The following CIMIP3 variants were observed in gnomAD, a reference collection of about 807,000 sequenced individuals.
CIMIP3 encodes GUCA1A neighbor.
At chr6:42,163,182 G>A in the CIMIP3 span, 129 of 616,320 alleles carry the variant, frequency 2.1e-4, no homozygotes, top group East Asian at 3.0e-3. Context: ...CTGTACCGCC[G>A]GGACACTGAC....
chr6:42,159,469 G>A, the CIMIP3 span, among the ~76,000 whole-genome samples: 20 of 152,352 alleles, frequency 1.3e-4, no homozygotes, highest in African/African-American at 4.8e-4. Context: ...TCTGCTAAGA[G>A]ATGGTGATTC....
chr6:42,162,751 C>T, the CIMIP3 span, among the ~76,000 whole-genome samples: 1 of 152,144 alleles, frequency 6.6e-6, no homozygotes, highest in Non-Finnish European at 1.5e-5. Flanking sequence ...ACCCTGATGG[C>T]TCTCCCCTGC....
the CIMIP3 span, among the ~76,000 whole-genome samples, chr6:42,160,561 C>T: frequency 0.18 from 27,886 of 152,154 alleles, 2,736 homozygotes; most frequent in African/African-American, 0.25. Flanking sequence ...CTGCAGCAAG[C>T]GGTCCCAGTG....
chr6:42,157,848 A>AT, the CIMIP3 span, among the ~76,000 whole-genome samples: 1 of 152,172 alleles, frequency 6.6e-6, no homozygotes, highest in Non-Finnish European at 1.5e-5. Flanking sequence ...TGAGGGAAGC[A>AT]GTAGGGGAGA....
At chr6:42,157,033 C>T in the CIMIP3 span, among the ~76,000 whole-genome samples, 32 of 152,176 alleles carry the variant, frequency 2.1e-4, no homozygotes, top group African/African-American at 7.0e-4. Flanking sequence ...GGGTGCCTTC[C>T]TAGAAAACCT....
chr6:42,162,301 C>T, the CIMIP3 span, among the ~76,000 whole-genome samples: 3 of 151,248 alleles, frequency 2.0e-5, no homozygotes, highest in East Asian at 5.9e-4. Flanking sequence ...GTAATCCCAG[C>T]TTACTCAGGA....
the CIMIP3 span, among the ~76,000 whole-genome samples, chr6:42,159,879 A>T: frequency 6.6e-6 from 1 of 152,242 alleles, no homozygotes; most frequent in Admixed American, 6.5e-5. Flanking sequence ...TGTCAATTAC[A>T]AGTGGGGCTA....
At chr6:42,163,410 T>C in the CIMIP3 span, 1 of 403,340 alleles carries the variant, frequency 2.5e-6, no homozygotes, top group East Asian at 3.5e-5. Flanking sequence ...GTCTCTCTTC[T>C]CAGCAGCAGT....
the CIMIP3 span, among the ~76,000 whole-genome samples, chr6:42,162,548 C>T: frequency 4.8e-5 from 7 of 145,648 alleles, no homozygotes; most frequent in African/African-American, 7.7e-5. Context: ...GAAGGCCTGA[C>T]GGAGCAGTGG....
the CIMIP3 span, among the ~76,000 whole-genome samples, chr6:42,160,020 C>G: frequency 6.6e-6 from 1 of 152,194 alleles, no homozygotes; most frequent in Non-Finnish European, 1.5e-5. Flanking sequence ...GGGTCATGCT[C>G]TGTCACCCAG....
chr6:42,162,624 A>G, the CIMIP3 span, among the ~76,000 whole-genome samples: 205 of 120,812 alleles, frequency 1.7e-3, 3 homozygotes, highest in African/African-American at 6.4e-3. Flanking sequence ...GATTGGATGC[A>G]GGGAAGGGGG....
At chr6:42,163,189 T>C in the CIMIP3 span, 1 of 608,340 alleles carries the variant, frequency 1.6e-6, no homozygotes, top group Non-Finnish European at 3.1e-6. Flanking sequence ...GCCGGGACAC[T>C]GACCACACCC....
the CIMIP3 span, chr6:42,162,825 A>G: frequency 5.3e-6 from 3 of 567,430 alleles, no homozygotes; most frequent in Non-Finnish European, 9.7e-6. Flanking sequence ...GGGGCTTCTG[A>G]GCAGTGGCTC....
chr6:42,159,485 G>A, the CIMIP3 span, among the ~76,000 whole-genome samples: 2 of 152,216 alleles, frequency 1.3e-5, no homozygotes, highest in South Asian at 2.1e-4. Flanking sequence ...GATTCATGGT[G>A]TAGACCTCAC....
At chr6:42,157,905 C>T in the CIMIP3 span, among the ~76,000 whole-genome samples, 161 of 152,240 alleles carry the variant, frequency 1.1e-3, no homozygotes, top group Admixed American at 3.1e-3. Context: ...TCAACCTTGG[C>T]GCTTTTGACA....
chr6:42,162,818 G>A, the CIMIP3 span: 24 of 551,998 alleles, frequency 4.3e-5, no homozygotes, highest in Non-Finnish European at 7.0e-5. Context: ...GGCTCTGGGG[G>A]CTTCTGAGCA....
the CIMIP3 span, among the ~76,000 whole-genome samples, chr6:42,156,007 A>AT: frequency 4.7e-4 from 70 of 149,718 alleles, no homozygotes; most frequent in East Asian, 1.6e-3. Flanking sequence ...AATTCTATTT[A>AT]TTTTTTTTTT....
the CIMIP3 span, chr6:42,162,828 A>G: frequency 7.0e-6 from 4 of 569,996 alleles, no homozygotes; most frequent in Non-Finnish European, 1.3e-5. Flanking sequence ...GCTTCTGAGC[A>G]GTGGCTCTTT....
At chr6:42,156,645 AGAGTAAT>A in the CIMIP3 span, among the ~76,000 whole-genome samples, 1 of 152,236 alleles carries the variant, frequency 6.6e-6, no homozygotes, top group Admixed American at 6.5e-5. Flanking sequence ...CGAGAGGCTG[AGAGTAAT>A]GACTATTTGC....
Sources: allele counts gnomAD v4.1 joint callset (sites outside exome capture counted in the v4.1 genomes callset), GRCh38; gene constraint gnomAD v4.1.1; transcripts MANE v1.5; gene names NCBI Gene and HGNC (gene_info 2026-07-23, HGNC 2026-07-21).